The following PPP4R4 variants were observed in gnomAD, a reference collection of about 807,000 sequenced individuals.
PPP4R4 encodes protein phosphatase 4 regulatory subunit 4, also known as serine/threonine-protein phosphatase 4 regulatory subunit 4.
Under a neutral mutation model 121.8 loss-of-function variants are expected in PPP4R4, and 70 were observed. The observed-to-expected ratio is 0.57, with a 90% CI of 0.47 to 0.70. The LOEUF (loss-of-function observed/expected upper bound fraction) is 0.70. Ranked by LOEUF, PPP4R4 falls within the 30% of genes least tolerant of loss-of-function variation. The pLI, the probability that PPP4R4 is intolerant of heterozygous loss-of-function variation, is 0.00. For missense variants in PPP4R4, 875 were observed against 1,033.6 expected (o/e 0.85, Z 2.10); for synonymous variants, 348 against 355.7 (o/e 0.98, Z 0.24).
chr14:94,273,638 G>C (rs899417199), intron 23 of PPP4R4, among the ~76,000 whole-genome samples: 28 of 152,082 alleles, frequency 1.8e-4, no homozygotes, highest in Non-Finnish European at 3.2e-4. Context: ...TGTCAATGTG[G>C]GTTCATCAAT....
chr14:94,211,804 A>C (rs557872466), intron 3 of PPP4R4, among the ~76,000 whole-genome samples: 1 of 152,286 alleles, frequency 6.6e-6, no homozygotes, highest in South Asian at 2.1e-4. Context: ...TCTGAGATAC[A>C]TGGGTTAAGG....
intron 18 of PPP4R4, 76 bp from the exon 19 acceptor site, chr14:94,259,219 A>G: frequency 6.6e-7 from 1 of 1,526,484 alleles, no homozygotes; most frequent in South Asian, 1.2e-5. Context: ...CATATCATTT[A>G]TATTGAAAGG....
intron 1 of PPP4R4, 118 bp downstream of exon 1, chr14:94,174,700 TC>T (rs1416304295): frequency 1.4e-6 from 2 of 1,435,966 alleles, no homozygotes; most frequent in Non-Finnish European, 1.8e-6. Context: ...CGGGACCCTC[TC>T]AGTCGGGCCG....
intron 13 of PPP4R4, among the ~76,000 whole-genome samples, chr14:94,245,884 T>C (rs960313280): frequency 2.0e-5 from 3 of 152,236 alleles, no homozygotes; most frequent in African/African-American, 7.2e-5. Context: ...GATTGTTGTC[T>C]ATTGTCTTTG....
At chr14:94,213,334 T>C (rs901784072) in intron 3 of PPP4R4, among the ~76,000 whole-genome samples, 12 of 152,302 alleles carry the variant, frequency 7.9e-5, no homozygotes, top group African/African-American at 2.4e-4. Flanking sequence ...ACTGAGTCTG[T>C]TGCTTCCATT....
At chr14:94,255,570 C>T (rs138431888) in intron 16 of PPP4R4, among the ~76,000 whole-genome samples, 1 of 151,370 alleles carries the variant, frequency 6.6e-6, no homozygotes, top group Non-Finnish European at 1.5e-5. Context: ...CACTGCATTC[C>T]AGCCTGGGCG....
At chr14:94,194,170 GA>G (rs1889743342) in intron 2 of PPP4R4, among the ~76,000 whole-genome samples, 1 of 152,202 alleles carries the variant, frequency 6.6e-6, no homozygotes, top group Non-Finnish European at 1.5e-5. Context: ...GAGTTTAAAA[GA>G]TAGGTGTCCT....
At position 94,234,686 on chromosome 14, in the gene PPP4R4, T is replaced by G; in HGVS notation, c.731+17T>G. On this transcript the variant is annotated intron_variant, in intron 7 of 24. Transcript: ENST00000304338. ...GGGCATTGGGTAGGTATACTTTGAA[T>G]TCCTTATGCCATTTCCATGAAAACA... 2 of 1,496,096 alleles carry G rather than the reference T, an allele frequency of 1.3e-6. No homozygotes were observed. Among genetic ancestry groups the G allele is most frequent in the Non-Finnish European group, 1.9e-6 (2 of 1,074,306 alleles). 92.7% of individuals were successfully genotyped at this position (1,496,096 alleles called of 1,614,324 possible). A position where few individuals can be genotyped will look rare whatever the true frequency, so the allele number is the denominator to read the frequency against.
intron 2 of PPP4R4, among the ~76,000 whole-genome samples, chr14:94,185,260 G>A (rs1393938410): frequency 6.6e-6 from 1 of 152,198 alleles, no homozygotes; most frequent in Non-Finnish European, 1.5e-5. Flanking sequence ...AATCCCAGCA[G>A]TTTGAGAGGT....
Position 94,241,796 on chromosome 14 carries a change from A to G in PPP4R4, c.985A>G (p.Thr329Ala). The G allele has an allele frequency of 1.3e-6, 2 of 1,553,328 alleles. No individual in the cohort carries two copies. Among genetic ancestry groups the G allele is most frequent in the Non-Finnish European group, 1.7e-6 (2 of 1,157,972 alleles). Residue 329 changes from threonine (T) to alanine (A), a missense_variant, in exon 10 of 25, where the codon ACT (threonine) becomes GCT (alanine). Physicochemically the swap from Thr to Ala is moderately conservative, Grantham distance 58. Transcript: ENST00000304338. Reference protein sequence around the residue: ...KLCHGLYGIFTPDQHLRFLEF... With the variant: ...KLCHGLYGIFAPDQHLRFLEF... Reference sequence around the variant, plus strand: ...TTTTATATTTGTTTTAGGAATTTTCACTCCAGATCAGCACTTGAGATTTTT... The same window carrying G: ...TTTTATATTTGTTTTAGGAATTTTCGCTCCAGATCAGCACTTGAGATTTTT...
chr14:94,242,416 T>G lies in PPP4R4; in HGVS notation c.1266+8T>G, dbSNP rs1224295511. 1.9e-6 allele frequency: 3 copies of G among 1,604,780 alleles called. No homozygotes were observed. Among genetic ancestry groups the G allele is most frequent in the Non-Finnish European group, 1.7e-6 (2 of 1,172,122 alleles). On this transcript the variant is annotated splice_region_variant and intron_variant, in intron 11 of 24. Transcript: ENST00000304338. ...GCTATTTGCTTTTATGAAGTAAGTC[T>G]GAAGACTTGATATCACTTTACGTTT...
intron 23 of PPP4R4, among the ~76,000 whole-genome samples, chr14:94,274,023 C>A (rs1268102827): frequency 1.3e-5 from 2 of 152,098 alleles, no homozygotes; most frequent in Non-Finnish European, 2.9e-5. Flanking sequence ...TTTCTAGTCT[C>A]CAGTGACAAG....
At chr14:94,231,553 A>G (rs180720266) in intron 5 of PPP4R4, among the ~76,000 whole-genome samples, 1 of 152,224 alleles carries the variant, frequency 6.6e-6, no homozygotes, top group African/African-American at 2.4e-5. Flanking sequence ...TTTTTTTCCT[A>G]TATATGGTTG....
chr14:94,241,930 A>G lies in PPP4R4; in HGVS notation c.1119A>G (p.Val373=). Reference sequence around the variant, plus strand: ...AGCAGGAGAAGAAATATATTTCAGTACGGAAGAACTGTGCTTATAACTTTC... The same window carrying G: ...AGCAGGAGAAGAAATATATTTCAGTGCGGAAGAACTGTGCTTATAACTTTC... ...ILEQEKKYIS[V]RKNCAYNFPA... is the part of the protein sequence containing the mutation. Residue 373 remains valine (V), a synonymous_variant, in exon 10 of 25, where the codon GTA becomes GTG. Transcript: ENST00000304338. 6.2e-7 allele frequency: 1 copy of G among 1,604,006 alleles called. No homozygotes were observed. The highest frequency in any genetic ancestry group is 8.5e-7 in the Non-Finnish European group (1 of 1,176,442).
chr14:94,206,641 T>C (rs971497758), intron 2 of PPP4R4, among the ~76,000 whole-genome samples: 1 of 152,036 alleles, frequency 6.6e-6, no homozygotes, highest in African/African-American at 2.4e-5. Flanking sequence ...CACTGAACAT[T>C]CAATATTTAA....
At position 94,240,679 on chromosome 14, in the gene PPP4R4, G is replaced by T; in HGVS notation, c.860G>T (p.Arg287Ile). 6.2e-7 allele frequency: 1 copy of T among 1,605,502 alleles called. No homozygotes were observed. The highest frequency in any genetic ancestry group is 8.5e-7 in the Non-Finnish European group (1 of 1,177,008). The change falls in exon 9 of 25, where the codon AGA (arginine) becomes ATA (isoleucine). Residue 287 changes from arginine (R) to isoleucine (I), a missense_variant. By Grantham distance (97) the Arg-to-Ile change is moderately conservative. Coordinates refer to ENST00000304338, the MANE Select transcript of PPP4R4 (RefSeq NM_058237.2). ...NLLDIFDTDD[R>I]SQTILPLVKS... ...ATTTTGTTTTGTTTTCCAGATGACAGAAGTCAAACTATACTTCCCTTAGTG... is the reference window on the plus strand; with the variant it reads ...ATTTTGTTTTGTTTTCCAGATGACATAAGTCAAACTATACTTCCCTTAGTG...
At position 94,174,539 on chromosome 14, in the gene PPP4R4, A is replaced by AT. The variant is rs1320883815; in HGVS notation, c.74_75insT (p.Gln25HisfsTer27). 2 of 1,612,398 alleles carry AT rather than the reference A, an allele frequency of 1.2e-6. No individual in the cohort carries two copies. Among genetic ancestry groups the AT allele is most frequent in the African/African-American group, 2.7e-5 (2 of 74,846 alleles). Reference sequence around the variant, plus strand: ...CTGTTCGGTTACATGGAGGACCTGCAGGAGCTCACCATCATCGAGAGGCCG... The same window carrying AT: ...CTGTTCGGTTACATGGAGGACCTGCATGGAGCTCACCATCATCGAGAGGCCG... On this transcript the variant is annotated frameshift_variant, in exon 1 of 25. Transcript: ENST00000304338. LOFTEE classifies it high-confidence loss of function.
At chr14:94,206,275 A>T (rs1481688019) in intron 2 of PPP4R4, among the ~76,000 whole-genome samples, 1 of 151,742 alleles carries the variant, frequency 6.6e-6, no homozygotes, top group African/African-American at 2.4e-5. Context: ...ATACTCATAT[A>T]GCCACTCCTG....
Position 94,250,285 on chromosome 14 carries a change from A to G in PPP4R4, c.1717+8A>G. 6.4e-7 allele frequency: 1 copy of G among 1,554,166 alleles called. No individual in the cohort carries two copies. The highest frequency in any genetic ancestry group is 8.9e-7 in the Non-Finnish European group (1 of 1,127,000). The stretch of plus-strand genomic sequence containing the variant: ...TTCAAAAATTAATTGAACGTAAGTA[A>G]TCATTGTCTACTATTTTGAAAAAGG... On this transcript the variant is annotated splice_region_variant and intron_variant, in intron 15 of 24. Coordinates refer to ENST00000304338, the MANE Select transcript of PPP4R4 (RefSeq NM_058237.2).
Sources: gnomAD v4.1 joint callset for allele counts (sites outside exome capture counted in the v4.1 genomes callset) on GRCh38, gnomAD v4.1.1 for gene constraint, MANE v1.5 for transcripts, NCBI Gene and HGNC (gene_info 2026-07-23, HGNC 2026-07-21) for gene names.